Variants in ALOX15 observed in about 807,000 individuals in gnomAD.
ALOX15 encodes the protein polyunsaturated fatty acid lipoxygenase ALOX15.
Under a neutral mutation model 71.7 loss-of-function variants are expected in ALOX15, and 68 were observed. The ratio of observed to expected loss-of-function variants is 0.95; its 90% CI spans 0.78 to 1.16. The LOEUF (loss-of-function observed/expected upper bound fraction) is 1.16. Among genes scored for constraint, ALOX15 ranks in the 50% most tolerant of loss-of-function variants. The probability of loss-of-function intolerance (pLI) is 0.00; values close to 1 mark genes in which losing one functional copy is unlikely to be tolerated. For missense variants in ALOX15, 798 were observed against 818.8 expected (o/e 0.97, Z 0.31); for synonymous variants, 346 against 333.3 (o/e 1.04, Z -0.42).
chr17:4,635,997 A>G (rs1280586987), intron 7 of ALOX15, 29 bp from the exon 8 acceptor site: 2 of 1,607,598 alleles, frequency 1.2e-6, no homozygotes, highest in Middle Eastern at 2.1e-4. Flanking sequence ...TGGGGAGAGA[A>G]GGCATGAGTG....
chr17:4,633,387 C>T (rs1910985389), intron 9 of ALOX15, 27 bp downstream of exon 9: 3 of 1,612,800 alleles, frequency 1.9e-6, no homozygotes, highest in African/African-American at 1.3e-5. Flanking sequence ...AAAGACAGAC[C>T]CAGAATCTCC....
Position 4,632,967 on chromosome 17 carries a change from G to A in ALOX15, c.1434C>T (p.Ile478=), listed in dbSNP as rs113086058. The A allele has an allele frequency of 7.4e-6, 12 of 1,613,978 alleles. No homozygotes were observed. The highest frequency in any genetic ancestry group is 4.0e-5 in the African/African-American group (3 of 74,902). ...CGTCTGTCTTATAGTGGAGACTCAC[G>A]ATTCCTTCCACATACCTACCAACCA... ...WEIIYRYVEG[I]VSLHYKTDVA... Residue 478 remains isoleucine, a synonymous_variant, in exon 11 of 14, where the codon ATC becomes ATT. Coordinates refer to ENST00000293761, the MANE Select transcript of ALOX15 (RefSeq NM_001140.5).
intron 8 of ALOX15, among the ~76,000 whole-genome samples, chr17:4,634,321 G>T (rs1295322521): frequency 1.3e-5 from 2 of 152,078 alleles, no homozygotes; most frequent in African/African-American, 4.8e-5. Flanking sequence ...GTTTTGTTTT[G>T]AGATGGAGTC....
intron 11 of ALOX15, 51 bp from the exon 12 acceptor site, chr17:4,632,332 G>A (rs754662144): frequency 1.3e-5 from 19 of 1,486,378 alleles, no homozygotes; most frequent in South Asian, 2.3e-5. Flanking sequence ...GTAGGGCAGC[G>A]CTCAGAGGAA....
chr17:4,633,349 C>T (rs772550230), intron 9 of ALOX15, 34 bp from the exon 10 acceptor site: 14 of 1,610,520 alleles, frequency 8.7e-6, no homozygotes, highest in Admixed American at 1.7e-5. Context: ...TCAGGCGAAT[C>T]GACCTGCCCT....
intron 8 of ALOX15, among the ~76,000 whole-genome samples, chr17:4,633,826 T>C (rs1439925270): frequency 6.6e-6 from 1 of 152,168 alleles, no homozygotes; most frequent in Non-Finnish European, 1.5e-5. Flanking sequence ...GTGGTAGACA[T>C]ATGCTGTGGA....
chr17:4,638,690 G>A lies in ALOX15; in HGVS notation c.543-6C>T. 1.2e-6 allele frequency: 2 copies of A among 1,613,986 alleles called. No homozygotes were observed. On this transcript the variant is annotated splice_region_variant and splice_polypyrimidine_tract_variant and intron_variant, in intron 4 of 13. Coordinates refer to ENST00000293761, the MANE Select transcript of ALOX15 (RefSeq NM_001140.5). ...TGATAGCGAGGTCGGCCAGCCTTCA[G>A]GGCAGGATGGGGCAAAGGGTTTGAG... is the stretch of plus-strand genomic sequence containing the variant.
At position 4,631,403 on chromosome 17, in the gene ALOX15, G is replaced by GAA; in HGVS notation, c.*195_*196dup. The GAA allele has an allele frequency of 5.0e-6, 3 of 602,416 alleles. No individual in the cohort carries two copies. Among genetic ancestry groups the GAA allele is most frequent in the Non-Finnish European group, 8.6e-6 (3 of 350,166 alleles). The allele number at this position is 602,416 out of a possible 1,614,324, so 37.3% of individuals were successfully genotyped here. A position where few individuals can be genotyped will look rare whatever the true frequency, so the allele number is the denominator to read the frequency against. ...GGAAGATAGGAAAGGAGGAAGGAAG[G>GAA]AAAGAGGAGTAAGGTCCCAGGTGAT... On this transcript the variant is annotated 3_prime_UTR_variant, in exon 14 of 14. Transcript: ENST00000293761.
intron 7 of ALOX15, 51 bp from the exon 8 acceptor site, chr17:4,636,019 G>A (rs1911083862): frequency 1.9e-6 from 3 of 1,558,870 alleles, no homozygotes; most frequent in Non-Finnish European, 8.8e-7. Flanking sequence ...CAGGCACTCA[G>A]CGATTCCCGC....
chr17:4,636,866 C>T (rs1327163786), intron 7 of ALOX15, among the ~76,000 whole-genome samples: 1 of 152,116 alleles, frequency 6.6e-6, no homozygotes, highest in African/African-American at 2.4e-5. Flanking sequence ...ACCCCACCTC[C>T]CCAATCCCTC....
intron 9 of ALOX15, 41 bp from the exon 10 acceptor site, chr17:4,633,356 C>T (rs982033782): frequency 6.2e-6 from 10 of 1,611,754 alleles, no homozygotes; most frequent in Non-Finnish European, 8.5e-6. Flanking sequence ...AATCGACCTG[C>T]CCTGAATCCA....
At chr17:4,636,321 C>T (rs1911100075) in intron 7 of ALOX15, among the ~76,000 whole-genome samples, 1 of 152,206 alleles carries the variant, frequency 6.6e-6, no homozygotes, top group Non-Finnish European at 1.5e-5. Flanking sequence ...CCCACCTCTA[C>T]ACAAATGACT....
At chr17:4,633,999 A>G (rs760953786) in intron 8 of ALOX15, among the ~76,000 whole-genome samples, 2 of 152,190 alleles carry the variant, frequency 1.3e-5, no homozygotes, top group African/African-American at 2.4e-5. Context: ...ATGGACACAA[A>G]TAAGGGAACA....
At chr17:4,632,738 A>G (rs1222609910) in intron 11 of ALOX15, 123 bp downstream of exon 11, 1 of 1,476,222 alleles carries the variant, frequency 6.8e-7, no homozygotes, top group African/African-American at 1.4e-5. Flanking sequence ...GGAATCTGAG[A>G]AGGCCTCTGG....
chr17:4,641,440 G>A, intron 1 of ALOX15, 77 bp downstream of exon 1: 1 of 1,544,512 alleles, frequency 6.5e-7, no homozygotes, highest in Non-Finnish European at 8.7e-7. Flanking sequence ...GGCCAACGGG[G>A]GCGCATGTCC....
chr17:4,641,151 G>T (rs1342941475), intron 1 of ALOX15, among the ~76,000 whole-genome samples: 1 of 151,214 alleles, frequency 6.6e-6, no homozygotes, highest in Non-Finnish European at 1.5e-5. Flanking sequence ...AAGCCTGAAA[G>T]GTAGAGATCC....
intron 1 of ALOX15, 25 bp downstream of exon 1, chr17:4,641,492 C>T (rs775589774): frequency 6.2e-7 from 1 of 1,603,828 alleles, no homozygotes; most frequent in Non-Finnish European, 8.5e-7. Flanking sequence ...GCGCAGCCCA[C>T]CCCGCCCGGC....
intron 11 of ALOX15, 86 bp downstream of exon 11, chr17:4,632,775 C>G: frequency 6.3e-7 from 1 of 1,594,070 alleles, no homozygotes; most frequent in Non-Finnish European, 8.5e-7. Context: ...GAAAATGCTT[C>G]TGGGAGATTT....
Position 4,638,369 on chromosome 17 carries a change from G to C in ALOX15, c.655C>G (p.Arg219Gly). Residue 219 changes from arginine (R) to glycine (G), a missense_variant, in exon 6 of 14, where the codon CGG becomes GGG. Physicochemically the swap from Arg to Gly is moderately radical, Grantham distance 125 (BLOSUM62 -2). Coordinates refer to ENST00000293761, the MANE Select transcript of ALOX15 (RefSeq NM_001140.5). ...AAGGCATCTTCCTTCCAGGAGTCCC[G>C]CACGCGCTCTGGGGAAGGCAGTTGT... ...CGQSKLAERV[R>G]DSWKEDALFG... 1.1e-6 allele frequency: 1 copy of C among 949,206 alleles called. No homozygotes were observed. The highest frequency in any genetic ancestry group is 1.6e-5 in the South Asian group (1 of 63,762). 58.8% of individuals were successfully genotyped at this position (949,206 alleles called of 1,614,324 possible).
Sources: allele counts gnomAD v4.1 joint callset (sites outside exome capture counted in the v4.1 genomes callset), GRCh38; gene constraint gnomAD v4.1.1; transcripts MANE v1.5; gene names NCBI Gene and HGNC (gene_info 2026-07-23, HGNC 2026-07-21).